Variants in EFEMP1 observed in about 807,000 individuals in gnomAD.
EFEMP1 encodes the protein EGF-like fibulin extracellular matrix protein 1, also known as EGF-containing fibulin-like extracellular matrix protein 1.
A neutral mutation model predicts 65.7 loss-of-function variants in EFEMP1; 18 were observed. That is an observed-to-expected ratio of 0.27 (90% CI 0.19 to 0.41). EFEMP1 has a LOEUF of 0.41. Among genes scored for constraint, EFEMP1 ranks in the 10% least tolerant of loss-of-function variants. The pLI is 1.00. For missense variants in EFEMP1, 469 were observed against 624.8 expected, an observed-to-expected ratio of 0.75 and a Z score of 2.66; for synonymous variants, 237 against 219.7, an observed-to-expected ratio of 1.08 and a Z score of -0.70.
At position 55,922,864 on chromosome 2, in the gene EFEMP1, T is replaced by A. The variant is rs1453193085; in HGVS notation, c.-8+35A>T. ...TGGAGGTGGGGCTGCAAAACTCTGTTCTCTAGAACGTTAAGGCTTTCCCAG... is the reference window on the plus strand; with the variant it reads ...TGGAGGTGGGGCTGCAAAACTCTGTACTCTAGAACGTTAAGGCTTTCCCAG... On this transcript the variant is annotated intron_variant, in intron 2 of 11. Coordinates refer to ENST00000355426, the MANE Select transcript of EFEMP1 (RefSeq NM_001039348.3). This position sits in a 1 kb window ranked among gnomAD's most constrained non-coding sequence, Gnocchi z 5.5. 8.7e-7 allele frequency: 1 copy of A among 1,154,614 alleles called. No individual in the cohort carries two copies. The highest frequency in any genetic ancestry group is 1.1e-6 in the Non-Finnish European group (1 of 925,662). The allele number at this position is 1,154,614 out of a possible 1,614,324, so 71.5% of individuals were successfully genotyped here. A position where few individuals can be genotyped will look rare whatever the true frequency, so the allele number is the denominator to read the frequency against.
At chr2:55,908,819 C>T (rs1670378512) in intron 5 of EFEMP1, among the ~76,000 whole-genome samples, 1 of 152,084 alleles carries the variant, frequency 6.6e-6, no homozygotes, top group Non-Finnish European at 1.5e-5. Flanking sequence ...TCATTATTCA[C>T]CATGAGATTT....
At position 55,921,539 on chromosome 2, in the gene EFEMP1, AAC is replaced by A. The variant is rs1454317955; in HGVS notation, c.81+819_81+820del. On this transcript the variant is annotated intron_variant, in intron 3 of 11. Transcript: ENST00000355426. This position sits in a 1 kb window ranked among gnomAD's most constrained non-coding sequence, Gnocchi z 4.1. ...AATCCAGGACAAATGTCATTTGCCT[AAC>A]ACTGATTAAAGACAAGAAAACACAG... 8.5e-5 allele frequency among the ~76,000 whole-genome samples: 13 copies of A among 152,244 alleles called. No homozygotes were observed. Among genetic ancestry groups the A allele is most frequent in the African/African-American group, 3.1e-4 (13 of 41,456 alleles).
chr2:55,889,787 G>A (rs1349894583), intron 5 of EFEMP1, among the ~76,000 whole-genome samples: 3 of 149,554 alleles, frequency 2.0e-5, no homozygotes, highest in South Asian at 2.1e-4. Flanking sequence ...ATGGATGCAT[G>A]TTCAAATGAT....
At chr2:55,906,843 C>T (rs1277787668) in intron 5 of EFEMP1, among the ~76,000 whole-genome samples, 1 of 152,048 alleles carries the variant, frequency 6.6e-6, no homozygotes, top group African/African-American at 2.4e-5. Flanking sequence ...GTCAATTTTG[C>T]CAAAAATTAA....
chr2:55,899,209 G>A (rs2104421759), intron 5 of EFEMP1, among the ~76,000 whole-genome samples: 1 of 152,348 alleles, frequency 6.6e-6, no homozygotes, highest in South Asian at 2.1e-4. Flanking sequence ...CACTGATGAT[G>A]TGGGGACTGA....
In EFEMP1 at chr2:55,883,447, C is replaced by G. The variant is rs1437937971; in HGVS notation, c.518-1713G>C. Among the ~76,000 whole-genome samples, 1 of 152,138 alleles carries G rather than the reference C, an allele frequency of 6.6e-6. No individual in the cohort carries two copies. The highest frequency in any genetic ancestry group is 1.5e-5 in the Non-Finnish European group (1 of 68,032). On this transcript the variant is annotated intron_variant, in intron 5 of 11. Transcript: ENST00000355426. This position sits in a 1 kb window ranked among gnomAD's most constrained non-coding sequence, Gnocchi z 4.5. ...GGGGTTTCTTCAGAGCTTTATGACTCGTTAATGCAGAAATGACAGCAGAGT... is the reference window on the plus strand; with the variant it reads ...GGGGTTTCTTCAGAGCTTTATGACTGGTTAATGCAGAAATGACAGCAGAGT...
intron 5 of EFEMP1, among the ~76,000 whole-genome samples, chr2:55,914,835 G>A (rs760052140): frequency 4.6e-5 from 7 of 152,158 alleles, no homozygotes; most frequent in Non-Finnish European, 8.8e-5. Flanking sequence ...CAAACTCCAT[G>A]ATGATGTCAA....
At chr2:55,908,995 G>T (rs187320356) in intron 5 of EFEMP1, among the ~76,000 whole-genome samples, 52 of 152,274 alleles carry the variant, frequency 3.4e-4, no homozygotes, top group Admixed American at 3.0e-3. Flanking sequence ...AGGATATAAA[G>T]AATAGGTTTT....
In EFEMP1 at chr2:55,867,449, T is replaced by C. The variant is rs1212041654; in HGVS notation, c.1321-215A>G. ...TCCAAGTTTCAAGGACTTGCTTTTT[T>C]TTTTTTTTAAATAGTTCTTTGTTTT... On this transcript the variant is annotated intron_variant, in intron 11 of 11. Transcript: ENST00000355426. The surrounding 1 kb of genome is among the most constrained non-coding windows in gnomAD (Gnocchi z 4.3). Among the ~76,000 whole-genome samples the C allele has an allele frequency of 6.6e-6, 1 of 151,880 alleles. No individual in the cohort carries two copies. The highest frequency in any genetic ancestry group is 1.5e-5 in the Non-Finnish European group (1 of 67,976).
chr2:55,885,937 G>T lies in EFEMP1; in HGVS notation c.518-4203C>A, dbSNP rs2104399224. ...TCTCTTATGCAACATTTTAATCTCT[G>T]CAATGTTCTTTCCATAATTTGATAA... On this transcript the variant is annotated intron_variant, in intron 5 of 11. Coordinates refer to ENST00000355426, the MANE Select transcript of EFEMP1 (RefSeq NM_001039348.3). The surrounding 1 kb of genome is among the most constrained non-coding windows in gnomAD (Gnocchi z 4.3). Among the ~76,000 whole-genome samples the T allele has an allele frequency of 6.6e-6, 1 of 152,174 alleles. No individual in the cohort carries two copies. The highest frequency in any genetic ancestry group is 2.1e-4 in the South Asian group (1 of 4,822).
rs1291675059 is a variant in EFEMP1, at chr2:55,886,018, C to T, written c.518-4284G>A. On this transcript the variant is annotated intron_variant, in intron 5 of 11. Coordinates refer to ENST00000355426, the MANE Select transcript of EFEMP1 (RefSeq NM_001039348.3). The surrounding 1 kb of genome is among the most constrained non-coding windows in gnomAD (Gnocchi z 4.0). ...TTTTCATGGGCAAAAATTATCTGCACCTTGAATGGTGTTGAGTACCATTTA... is the reference window on the plus strand; with the variant it reads ...TTTTCATGGGCAAAAATTATCTGCATCTTGAATGGTGTTGAGTACCATTTA... 6.6e-6 allele frequency among the ~76,000 whole-genome samples: 1 copy of T among 152,126 alleles called. No individual in the cohort carries two copies. The highest frequency in any genetic ancestry group is 2.4e-5 in the African/African-American group (1 of 41,430).
intron 7 of EFEMP1, 48 bp from the exon 8 acceptor site, chr2:55,876,790 A>C (rs749283148): frequency 8.7e-7 from 1 of 1,151,316 alleles, no homozygotes; most frequent in Non-Finnish European, 1.2e-6. Context: ...ATATATATAC[A>C]CACACATATA....
At chr2:55,906,222 CT>C (rs577782138) in intron 5 of EFEMP1, among the ~76,000 whole-genome samples, 2,481 of 129,744 alleles carry the variant, frequency 0.019, 33 homozygotes, top group Non-Finnish European at 0.02. Flanking sequence ...AGCCCTGCAT[CT>C]TTTTTTTTTT....
At chr2:55,889,149 G>A (rs1439208168) in intron 5 of EFEMP1, among the ~76,000 whole-genome samples, 1 of 152,180 alleles carries the variant, frequency 6.6e-6, no homozygotes, top group Non-Finnish European at 1.5e-5. Flanking sequence ...TATTCCTTCA[G>A]GCAAATCATC....
At chr2:55,887,440 A>C (rs945910554) in intron 5 of EFEMP1, among the ~76,000 whole-genome samples, 1 of 152,072 alleles carries the variant, frequency 6.6e-6, no homozygotes, top group Non-Finnish European at 1.5e-5. Flanking sequence ...TTCCCTCCCC[A>C]GTTTTTAGCC....
At chr2:55,869,483 T>C (rs1189023659) in intron 11 of EFEMP1, among the ~76,000 whole-genome samples, 1 of 152,160 alleles carries the variant, frequency 6.6e-6, no homozygotes, top group East Asian at 1.9e-4. Context: ...GATTGCATTT[T>C]GCATTGGGTC....
In EFEMP1 at chr2:55,876,759, T is replaced by C. The variant is rs1342924168; in HGVS notation, c.761-17A>G. The C allele has an allele frequency of 2.8e-6, 4 of 1,444,480 alleles. No homozygotes were observed. The highest frequency in any genetic ancestry group is 2.8e-6 in the Non-Finnish European group (3 of 1,059,478). 89.5% of individuals were successfully genotyped at this position (1,444,480 alleles called of 1,614,324 possible). On this transcript the variant is annotated splice_polypyrimidine_tract_variant and intron_variant, in intron 7 of 11. Transcript: ENST00000355426. ...CATTTATATCTGAAAAAAAGTTTTA[T>C]ATATATATATATGTATATGTATATA...
In EFEMP1 at chr2:55,867,193, T is replaced by G; in HGVS notation, c.1362A>C (p.Ser454=). 6.2e-7 allele frequency: 1 copy of G among 1,614,016 alleles called. No individual in the cohort carries two copies. Among genetic ancestry groups the G allele is most frequent in the Non-Finnish European group, 8.5e-7 (1 of 1,179,940 alleles). Residue 454 remains serine, a synonymous_variant, in exon 12 of 12, where the codon TCA becomes TCC. Transcript: ENST00000355426. This position sits in a 1 kb window ranked among gnomAD's most constrained non-coding sequence, Gnocchi z 4.3. ...CGATATGTTCTCTTGGTCCTGATAA[T>G]GACTTCACGAGCACAAGCATTGCAC... The part of the protein sequence containing the change: ...PVSAMLVLVK[S]LSGPREHIVD...
At position 55,923,064 on chromosome 2, in the gene EFEMP1, GCTT is replaced by G. The variant is rs1670961421; in HGVS notation, c.-48-128_-48-126del. ...ACTAGACCTTCTCACATGTCTCAGA[GCTT>G]CTCACATCCCCCAGCACAAACTCTC... On this transcript the variant is annotated intron_variant, in intron 1 of 11. Coordinates refer to ENST00000355426, the MANE Select transcript of EFEMP1 (RefSeq NM_001039348.3). The surrounding 1 kb of genome is among the most constrained non-coding windows in gnomAD (Gnocchi z 5.3). 1 of 581,132 alleles carries G rather than the reference GCTT, an allele frequency of 1.7e-6. No individual in the cohort carries two copies. Among genetic ancestry groups the G allele is most frequent in the African/African-American group, 2.0e-5 (1 of 49,158 alleles). 36.0% of individuals were successfully genotyped at this position (581,132 alleles called of 1,614,324 possible).
Sources: allele counts gnomAD v4.1 joint callset (sites outside exome capture counted in the v4.1 genomes callset), GRCh38; gene constraint gnomAD v4.1.1; non-coding constraint Gnocchi (gnomAD v3.1); transcripts MANE v1.5; gene names NCBI Gene and HGNC (gene_info 2026-07-23, HGNC 2026-07-21).